The following MRTFB variants were observed in gnomAD, a reference collection of about 807,000 sequenced individuals.
MRTFB encodes myocardin-related transcription factor B.
A neutral mutation model predicts 104.2 loss-of-function variants in MRTFB; 29 were observed. The ratio of observed to expected loss-of-function variants is 0.28; its 90% CI spans 0.21 to 0.38. The LOEUF (loss-of-function observed/expected upper bound fraction) is 0.38, where lower values mean the gene tolerates loss of function less well. Ranked by LOEUF, MRTFB falls within the 10% of genes least tolerant of loss-of-function variation. The probability of loss-of-function intolerance (pLI) is 1.00; values close to 1 mark genes in which losing one functional copy is unlikely to be tolerated. For synonymous variants in MRTFB, 535 were observed against 519.5 expected, an observed-to-expected ratio of 1.03 and a Z score of -0.41; for missense variants, 1,270 against 1,341.6, an observed-to-expected ratio of 0.95 and a Z score of 0.83.
chr16:14,147,929 T>G (rs998618016), intron 3 of MRTFB, among the ~76,000 whole-genome samples: 5 of 152,202 alleles, frequency 3.3e-5, no homozygotes, highest in African/African-American at 1.2e-4. Flanking sequence ...CATCTTAAAC[T>G]TGTTTACTTG....
At chr16:14,144,510 ATGTAT>A (rs1249690589) in intron 3 of MRTFB, 1 of 152,216 alleles carries the variant, frequency 6.6e-6, no homozygotes, top group Non-Finnish European at 1.5e-5. Context: ...GTTAATAACA[ATGTAT>A]TGTATTGAAA....
At chr16:14,215,401 G>A (rs888594290) in intron 6 of MRTFB, among the ~76,000 whole-genome samples, 19 of 152,160 alleles carry the variant, frequency 1.2e-4, no homozygotes, top group Admixed American at 1.1e-3. Flanking sequence ...GCAGGCAAGG[G>A]TCTAAGTTAC....
chr16:14,014,254 A>G, the MRTFB span, among the ~76,000 whole-genome samples: 7 of 152,330 alleles, frequency 4.6e-5, no homozygotes, highest in Admixed American at 2.0e-4. Context: ...GATAATATCA[A>G]GAGTCTCAGT....
At chr16:14,173,027 C>T (rs1158955722) in intron 3 of MRTFB, among the ~76,000 whole-genome samples, 1 of 152,160 alleles carries the variant, frequency 6.6e-6, no homozygotes, top group Non-Finnish European at 1.5e-5. Context: ...TCATAAAAAT[C>T]CCATCAATAT....
chr16:14,247,139 T>A lies in MRTFB; in HGVS notation c.1879T>A (p.Ser627Thr), dbSNP rs762958458. 3.1e-6 allele frequency: 5 copies of A among 1,614,096 alleles called. No individual in the cohort carries two copies. In the Admixed American group the frequency reaches 5.0e-5, roughly 16 times the overall value. ...QPSAPGHSVK[S>T]DQKHGSLGSS... Reference sequence around the variant, plus strand: ...CAGTGCCCCAGGTCATTCTGTCAAGTCAGATCAGAAGCACGGCAGCCTTGG... The same window carrying A: ...CAGTGCCCCAGGTCATTCTGTCAAGACAGATCAGAAGCACGGCAGCCTTGG... Residue 627 changes from serine (S) to threonine (T), a missense_variant, in exon 12 of 17, where the codon TCA (serine) becomes ACA (threonine). Coordinates refer to ENST00000571589, the MANE Select transcript of MRTFB (RefSeq NM_001308142.2).
At chr16:14,114,208 A>T (rs1806950254) in intron 2 of MRTFB, among the ~76,000 whole-genome samples, 1 of 152,202 alleles carries the variant, frequency 6.6e-6, no homozygotes, top group Admixed American at 6.5e-5. Flanking sequence ...TAAATTTATT[A>T]TTTTAAAATG....
rs763328127 is a variant in MRTFB, at chr16:14,246,651, C to T, written c.1391C>T (p.Ala464Val). 4.3e-6 allele frequency: 7 copies of T among 1,614,076 alleles called. No homozygotes were observed. In the African/African-American group the frequency reaches 8.0e-5, roughly 18 times the overall value. The change falls in exon 12 of 17, where the codon GCC becomes GTC. Residue 464 changes from alanine (A) to valine (V), a missense_variant. Ala to Val is a moderately conservative substitution (Grantham distance 64, BLOSUM62 0). This residue lies in a region of MRTFB where 1,144 missense variants were observed against 1,131.5 expected (regional missense o/e 1.01). Transcript: ENST00000571589. ...IVTSNPEVTVALPVTTLHNTV... is the reference protein window; with the variant it reads ...IVTSNPEVTVVLPVTTLHNTV... The stretch of plus-strand genomic sequence containing the variant: ...ACCAGTAACCCAGAAGTCACTGTGG[C>T]CTTGCCGGTTACAACACTACACAAC...
chr16:14,156,917 G>A (rs1019185163), intron 3 of MRTFB, among the ~76,000 whole-genome samples: 1 of 152,004 alleles, frequency 6.6e-6, no homozygotes, highest in Non-Finnish European at 1.5e-5. Flanking sequence ...GATCTATCAC[G>A]GGTGCAGCTA....
chr16:14,125,811 A>T (rs2037079604), intron 2 of MRTFB, among the ~76,000 whole-genome samples: 1 of 152,212 alleles, frequency 6.6e-6, no homozygotes, highest in Admixed American at 6.5e-5. Flanking sequence ...TTTATCTGAA[A>T]AATATTTCTC....
chr16:14,242,760 A>G (rs1164202410), intron 10 of MRTFB, among the ~76,000 whole-genome samples: 1 of 151,898 alleles, frequency 6.6e-6, no homozygotes, highest in Non-Finnish European at 1.5e-5. Context: ...TCTCCCCTCT[A>G]TTGATTTGGG....
rs2034256072 is a variant in MRTFB, at chr16:14,079,276, C to G, written c.-128-14C>G. 1.2e-5 allele frequency: 4 copies of G among 345,916 alleles called. No homozygotes were observed. The highest frequency in any genetic ancestry group is 2.1e-5 in the Non-Finnish European group (4 of 189,844). The allele number at this position is 345,916 out of a possible 1,614,324, so 21.4% of individuals were successfully genotyped here. On this transcript the variant is annotated splice_polypyrimidine_tract_variant and intron_variant, in intron 1 of 16. Coordinates refer to ENST00000571589, the MANE Select transcript of MRTFB (RefSeq NM_001308142.2). ...GTGCTCAATAAAAAGTAATTTCTGC[C>G]TTTTTTTTTCCAGGTTCACAATAAA... is the stretch of plus-strand genomic sequence containing the variant.
chr16:14,020,707 T>C, the MRTFB span, among the ~76,000 whole-genome samples: 2 of 152,130 alleles, frequency 1.3e-5, no homozygotes, highest in Non-Finnish European at 2.9e-5. Context: ...CCAGATGAAA[T>C]TATAATGGAG....
At chr16:14,067,979 C>T (rs918343715), upstream of MRTFB, among the ~76,000 whole-genome samples, 1 of 151,968 alleles carries the variant, frequency 6.6e-6, no homozygotes, top group East Asian at 1.9e-4. Context: ...CTACAGCCGC[C>T]CGCCACCATG....
intron 3 of MRTFB, among the ~76,000 whole-genome samples, chr16:14,194,067 A>C (rs572134283): frequency 1.3e-5 from 2 of 152,338 alleles, no homozygotes; most frequent in South Asian, 4.1e-4. Flanking sequence ...AAGTATAGAT[A>C]CGTTTGAAAC....
At chr16:14,215,411 C>A (rs1423296794) in intron 6 of MRTFB, among the ~76,000 whole-genome samples, 1 of 152,200 alleles carries the variant, frequency 6.6e-6, no homozygotes, top group African/African-American at 2.4e-5. Context: ...GTCTAAGTTA[C>A]TTCCTGAAGT....
the MRTFB span, among the ~76,000 whole-genome samples, chr16:14,036,437 C>CTT: frequency 9.6e-5 from 14 of 145,242 alleles, no homozygotes; most frequent in African/African-American, 3.3e-4. Context: ...CCCAGTTAGA[C>CTT]TTATATATAT....
At chr16:14,022,084 A>T in the MRTFB span, among the ~76,000 whole-genome samples, 2 of 152,182 alleles carry the variant, frequency 1.3e-5, no homozygotes, top group African/African-American at 4.8e-5. Flanking sequence ...CCACCAAAAA[A>T]AATCCAGGAT....
intron 4 of MRTFB, among the ~76,000 whole-genome samples, chr16:14,211,265 A>T (rs2041178971): frequency 6.6e-6 from 1 of 151,946 alleles, no homozygotes; most frequent in Non-Finnish European, 1.5e-5. Flanking sequence ...AGATTTCTCC[A>T]CCACCACCAC....
upstream of MRTFB, among the ~76,000 whole-genome samples, chr16:14,068,963 C>CTTTT (rs989515330): frequency 2.6e-3 from 264 of 100,172 alleles, 23 homozygotes; most frequent in African/African-American, 0.011. Flanking sequence ...GATTCTCCAG[C>CTTTT]TTTTTTTTTT....
Sources: allele counts gnomAD v4.1 joint callset (sites outside exome capture counted in the v4.1 genomes callset), GRCh38; gene constraint gnomAD v4.1.1; regional missense constraint gnomAD v4.1.1; transcripts MANE v1.5; gene names NCBI Gene and HGNC (gene_info 2026-07-23, HGNC 2026-07-21).